Variants in PRPF31 observed in about 807,000 individuals in gnomAD.
The protein encoded by PRPF31 is pre-mRNA processing factor 31.
PRPF31 carries 12 observed loss-of-function variants against 60.4 expected under a neutral mutation model. That is an observed-to-expected ratio of 0.20 (90% CI 0.13 to 0.32). The LOEUF (loss-of-function observed/expected upper bound fraction) is 0.32. Ranked by LOEUF, PRPF31 falls within the 10% of genes least tolerant of loss-of-function variation. PRPF31 has a pLI of 1.00. For synonymous variants in PRPF31, 287 were observed against 287.9 expected (o/e 1.00, Z 0.03); for missense variants, 431 against 687.1 (o/e 0.63, Z 4.17).
chr19:54,122,716 G>T (rs980344262), intron 5 of PRPF31, 122 bp downstream of exon 5: 2 of 833,186 alleles, frequency 2.4e-6, no homozygotes, highest in Non-Finnish European at 2.1e-6. Context: ...CGAGGGCTCA[G>T]TGGTCTGCTC....
At chr19:54,122,296 A>G in intron 4 of PRPF31, 1 of 698,180 alleles carries the variant, frequency 1.4e-6, no homozygotes, top group South Asian at 1.6e-5. Flanking sequence ...ACTGCAGCTC[A>G]CGTTTTACAG....
At chr19:54,117,494 C>T (rs1473206315) in intron 1 of PRPF31, among the ~76,000 whole-genome samples, 8 of 152,126 alleles carry the variant, frequency 5.3e-5, no homozygotes, top group African/African-American at 1.7e-4. Context: ...GTAGATTGAT[C>T]GCCTTGAGGT....
intron 3 of PRPF31, 37 bp downstream of exon 3, chr19:54,118,670 G>A (rs776252529): frequency 6.2e-7 from 1 of 1,608,850 alleles, no homozygotes; most frequent in South Asian, 1.1e-5. Flanking sequence ...CCCATCTCCT[G>A]TCTCTCCTGC....
At chr19:54,129,648 C>T (rs1345595109) in intron 13 of PRPF31, among the ~76,000 whole-genome samples, 3 of 132,746 alleles carry the variant, frequency 2.3e-5, no homozygotes, top group Admixed American at 8.9e-5. Context: ...GGGCTGTGAG[C>T]GGGTAACACT....
Position 54,128,361 on chromosome 19 carries a change from G to A in PRPF31, c.1130G>A (p.Arg377His), listed in dbSNP as rs756479054. The change falls in exon 11 of 14, where the codon CGT becomes CAT. Residue 377 changes from arginine (R) to histidine (H), a missense_variant. Coordinates refer to ENST00000321030, the MANE Select transcript of PRPF31 (RefSeq NM_015629.4). Reference protein sequence around the residue: ...GLTEIRKQANRMSFGEIEEDA... With the variant: ...GLTEIRKQANHMSFGEIEEDA... ...ACGGAGATCCGGAAGCAGGCCAACC[G>A]TATGAGCTTCGGAGAGGTCAGACTC... 1.2e-5 allele frequency: 16 copies of A among 1,312,590 alleles called. No homozygotes were observed. The highest frequency in any genetic ancestry group is 1.5e-5 in the Non-Finnish European group (15 of 1,001,446). 81.3% of individuals were successfully genotyped at this position (1,312,590 alleles called of 1,614,324 possible).
rs140198769 is a variant in PRPF31, at chr19:54,124,472, C to A, written c.698-27C>A. ...CCTCTCTGCTTTCTTCTGACCGCCC[C>A]CCCTTCCTCCCTCCCTCCCACCGCA... On this transcript the variant is annotated intron_variant, in intron 7 of 13. Coordinates refer to ENST00000321030, the MANE Select transcript of PRPF31 (RefSeq NM_015629.4). The A allele has an allele frequency of 1.8e-4, 290 of 1,578,764 alleles. 2 individuals carry two copies. In the African/African-American group the frequency reaches 2.8e-3, roughly 15 times the overall value.
intron 9 of PRPF31, among the ~76,000 whole-genome samples, 166 bp downstream of exon 9, chr19:54,126,783 G>A (rs587775827): frequency 6.6e-6 from 1 of 152,288 alleles, no homozygotes; most frequent in Non-Finnish European, 1.5e-5. Context: ...CCCTTCCCCA[G>A]TGGGGTTTCC....
intron 6 of PRPF31, 51 bp downstream of exon 6, chr19:54,123,611 G>A (rs775994825): frequency 2.5e-6 from 4 of 1,609,206 alleles, no homozygotes; most frequent in Non-Finnish European, 1.7e-6. Flanking sequence ...TGGGGATTAG[G>A]CTGGAGCTAC....
intron 10 of PRPF31, 29 bp downstream of exon 10, chr19:54,128,229 T>A (rs1183442558): frequency 1.3e-6 from 2 of 1,566,316 alleles, no homozygotes; most frequent in South Asian, 2.3e-5. Context: ...CCGGTAGGCA[T>A]GGGGGTCATG....
In PRPF31 at chr19:54,118,471, G is replaced by A. The variant is rs2073704737; in HGVS notation, c.177+16G>A. On this transcript the variant is annotated intron_variant, in intron 2 of 13. Transcript: ENST00000321030. Reference sequence around the variant, plus strand: ...TAGTAAGATGGTAAGAGGACAAGAGGTGTTCCTAGCAGGGGGCTCTAGACA... The same window carrying A: ...TAGTAAGATGGTAAGAGGACAAGAGATGTTCCTAGCAGGGGGCTCTAGACA... 1 of 1,613,994 alleles carries A rather than the reference G, an allele frequency of 6.2e-7. No homozygotes were observed. Among genetic ancestry groups the A allele is most frequent in the Non-Finnish European group, 8.5e-7 (1 of 1,179,928 alleles).
At chr19:54,128,692 G>A (rs587622602) in intron 11 of PRPF31, among the ~76,000 whole-genome samples, 18 of 152,156 alleles carry the variant, frequency 1.2e-4, no homozygotes, top group African/African-American at 3.6e-4. Flanking sequence ...CCTGGGCCCC[G>A]CCAGTCTCCT....
chr19:54,126,763 G>T, intron 9 of PRPF31, 146 bp downstream of exon 9: 1 of 844,206 alleles, frequency 1.2e-6, no homozygotes, highest in Non-Finnish European at 2.0e-6. Flanking sequence ...CCTCCCTGGG[G>T]TCAGGCACCC....
Position 54,123,994 on chromosome 19 carries a change from G to A in PRPF31, c.697+76G>A, listed in dbSNP as rs376348917. On this transcript the variant is annotated intron_variant, in intron 7 of 13. Coordinates refer to ENST00000321030, the MANE Select transcript of PRPF31 (RefSeq NM_015629.4). ...CCTTGGGAAAGCTACATCCTTTTCT[G>A]TAGAATGGGGGCTTTGGCACCTGGA... 1.9e-5 allele frequency: 30 copies of A among 1,597,080 alleles called. No individual in the cohort carries two copies. In the Middle Eastern group the frequency reaches 5.0e-4, roughly 26 times the overall value.
Position 54,124,224 on chromosome 19 carries a change from C to T in PRPF31, c.698-275C>T, listed in dbSNP as rs954174176. The T allele has an allele frequency of 1.9e-4, 125 of 646,810 alleles. 1 individual carries two copies. Among genetic ancestry groups the T allele is most frequent in the Admixed American group, 3.2e-4 (11 of 34,108 alleles). The allele number at this position is 646,810 out of a possible 1,614,324, so 40.1% of individuals were successfully genotyped here. ...CAAAACACAGCCATCCCTGGAACGG[C>T]GTTAGTGTGGCTTAGCACAAACGTG... On this transcript the variant is annotated intron_variant, in intron 7 of 13. Coordinates refer to ENST00000321030, the MANE Select transcript of PRPF31 (RefSeq NM_015629.4).
Position 54,129,376 on chromosome 19 carries a change from TC to T in PRPF31, c.1374+10del. ...TGGCCTTCACCCCACTCCAGGTACCTCCCCTGGGCCGGCTCTGTCCCCAGCC... is the reference window on the plus strand; with the variant it reads ...TGGCCTTCACCCCACTCCAGGTACCTCCCTGGGCCGGCTCTGTCCCCAGCC... On this transcript the variant is annotated splice_region_variant and intron_variant, in intron 13 of 13. Transcript: ENST00000321030. 1.3e-6 allele frequency: 2 copies of T among 1,587,842 alleles called. No individual in the cohort carries two copies. The highest frequency in any genetic ancestry group is 1.4e-5 in the African/African-American group (1 of 73,922).
chr19:54,118,946 T>C lies in PRPF31; in HGVS notation c.238+313T>C, dbSNP rs587736590. 5.9e-5 allele frequency: 25 copies of C among 426,408 alleles called. No homozygotes were observed. The South Asian group carries it at 7.1e-4, about 12-fold the overall frequency. 26.4% of individuals were successfully genotyped at this position (426,408 alleles called of 1,614,324 possible). ...CACATCTATAAGCCGCTTATCCTAT[T>C]ATTTGCTTAACATATTCTTTGAGTC... On this transcript the variant is annotated intron_variant, in intron 3 of 13. Transcript: ENST00000321030.
At chr19:54,118,696 C>T in intron 3 of PRPF31, 63 bp downstream of exon 3, 10 of 1,550,688 alleles carry the variant, frequency 6.4e-6, no homozygotes, top group South Asian at 1.1e-5. Flanking sequence ...CCCCTGGCTC[C>T]CTGGCTGCTT....
intron 1 of PRPF31, 90 bp from the exon 2 acceptor site, chr19:54,118,181 C>T (rs2073697170): frequency 1.2e-5 from 19 of 1,584,420 alleles, no homozygotes; most frequent in Non-Finnish European, 1.6e-5. Flanking sequence ...TAAAGAAGGA[C>T]CAGGGTCTTC....
intron 1 of PRPF31, 75 bp from the exon 2 acceptor site, chr19:54,118,196 G>A (rs2146392107): frequency 6.2e-7 from 1 of 1,604,384 alleles, no homozygotes; most frequent in South Asian, 1.1e-5. Context: ...GTCTTCTGGG[G>A]GAGAATCATC....
Sources: allele counts gnomAD v4.1 joint callset (sites outside exome capture counted in the v4.1 genomes callset), GRCh38; gene constraint gnomAD v4.1.1; transcripts MANE v1.5; gene names NCBI Gene and HGNC (gene_info 2026-07-23, HGNC 2026-07-21).